The following ANKRD42 variants were observed in gnomAD, a reference collection of about 807,000 sequenced individuals.
ANKRD42 encodes the protein ankyrin repeat domain 42.
Under a neutral mutation model 51.5 loss-of-function variants are expected in ANKRD42, and 43 were observed. That is an observed-to-expected ratio of 0.83 (90% CI 0.65 to 1.08). The LOEUF (loss-of-function observed/expected upper bound fraction) is 1.08. Among genes scored for constraint, ANKRD42 ranks in the 50% least tolerant of loss-of-function variants. ANKRD42 has a pLI of 0.00. For missense variants in ANKRD42, 608 were observed against 629.3 expected, an observed-to-expected ratio of 0.97 and a Z score of 0.36; for synonymous variants, 203 against 213.0, an observed-to-expected ratio of 0.95 and a Z score of 0.41.
chr11:83,262,351 T>A (rs1002280751), downstream of ANKRD42, among the ~76,000 whole-genome samples: 1 of 152,160 alleles, frequency 6.6e-6, no homozygotes, highest in Non-Finnish European at 1.5e-5. Flanking sequence ...CATATATCTG[T>A]GAGAAGAGAA....
Position 83,255,998 on chromosome 11 carries a change from G to T in ANKRD42, c.*64G>T, listed in dbSNP as rs528513587. On this transcript the variant is annotated 3_prime_UTR_variant, in exon 12 of 12. Transcript: ENST00000260047. ...TTTCATTAAAAAAATTGATATAAAT[G>T]TGAGTCTATACAAACTATCTCAGAA... The T allele has an allele frequency of 1.3e-3, 1,612 of 1,199,928 alleles. 5 individuals are homozygous for T. Among genetic ancestry groups the T allele is most frequent in the Non-Finnish European group, 1.6e-3 (1,365 of 865,634 alleles). 74.3% of individuals were successfully genotyped at this position (1,199,928 alleles called of 1,614,324 possible).
intron 3 of ANKRD42, 51 bp from the exon 4 acceptor site, chr11:83,210,249 T>C: frequency 6.4e-7 from 1 of 1,558,428 alleles, no homozygotes; most frequent in Non-Finnish European, 8.8e-7. Flanking sequence ...TCTGCATTTA[T>C]GGTTTAACAT....
At chr11:83,240,290 G>T (rs1162916268) in intron 8 of ANKRD42, among the ~76,000 whole-genome samples, 2 of 152,204 alleles carry the variant, frequency 1.3e-5, no homozygotes, top group African/African-American at 4.8e-5. Flanking sequence ...CGTACCAAAT[G>T]CTTTGGCTTG....
chr11:83,255,537 A>C (rs1695349567), intron 11 of ANKRD42, among the ~76,000 whole-genome samples: 6 of 152,198 alleles, frequency 3.9e-5, no homozygotes, highest in African/African-American at 1.4e-4. Flanking sequence ...TGTTAGGTAG[A>C]GATAAAACTT....
At chr11:83,260,181 A>G (rs1302585661), downstream of ANKRD42, 3 of 152,228 alleles carry the variant, frequency 2.0e-5, no homozygotes, top group Non-Finnish European at 2.9e-5. Context: ...TTAATATTTT[A>G]GAATATTTTA....
At chr11:83,195,789 G>A (rs188096659) in intron 1 of ANKRD42, among the ~76,000 whole-genome samples, 133 of 149,078 alleles carry the variant, frequency 8.9e-4, no homozygotes, top group South Asian at 8.0e-3. Flanking sequence ...CATTTTTTCT[G>A]GTCTAGACTA....
At chr11:83,203,358 T>C (rs1861943451) in intron 2 of ANKRD42, among the ~76,000 whole-genome samples, 1 of 151,900 alleles carries the variant, frequency 6.6e-6, no homozygotes. Flanking sequence ...CTATTCCTAC[T>C]TAAAGGTCAT....
intron 5 of ANKRD42, chr11:83,213,019 A>G: frequency 6.3e-7 from 1 of 1,599,502 alleles, no homozygotes; most frequent in East Asian, 2.2e-5. Context: ...CCACCCTCAG[A>G]CCCCTTGTGA....
intron 3 of ANKRD42, 133 bp downstream of exon 3, chr11:83,206,298 C>T (rs1022472574): frequency 4.4e-6 from 3 of 677,488 alleles, no homozygotes; most frequent in South Asian, 2.1e-5. Context: ...GATTCCACAA[C>T]TCAGATATTC....
intron 5 of ANKRD42, among the ~76,000 whole-genome samples, chr11:83,217,947 G>C (rs1057111388): frequency 1.3e-5 from 2 of 152,148 alleles, no homozygotes; most frequent in South Asian, 2.1e-4. Flanking sequence ...CTTGGTCCCT[G>C]TTACAGAACA....
chr11:83,245,401 T>C, intron 9 of ANKRD42, 97 bp from the exon 10 acceptor site: 2 of 1,308,510 alleles, frequency 1.5e-6, no homozygotes, highest in Non-Finnish European at 2.1e-6. Flanking sequence ...ATACAGACAC[T>C]AGTCTAGAGG....
chr11:83,237,840 C>T (rs909395360), intron 8 of ANKRD42, among the ~76,000 whole-genome samples: 1 of 152,154 alleles, frequency 6.6e-6, no homozygotes, highest in African/African-American at 2.4e-5. Flanking sequence ...TGAACATATT[C>T]ATCACCGTCA....
intron 7 of ANKRD42, among the ~76,000 whole-genome samples, chr11:83,230,120 C>T (rs927538355): frequency 3.9e-5 from 6 of 152,142 alleles, no homozygotes; most frequent in Non-Finnish European, 8.8e-5. Context: ...GGGGCGATCA[C>T]GACTAACTGC....
intron 7 of ANKRD42, among the ~76,000 whole-genome samples, chr11:83,231,604 G>T (rs1393328296): frequency 6.6e-6 from 1 of 152,134 alleles, no homozygotes; most frequent in Non-Finnish European, 1.5e-5. Context: ...TGCTTGTAGG[G>T]TATTGCTCAA....
chr11:83,212,830 G>T, intron 5 of ANKRD42: 1 of 1,437,044 alleles, frequency 7.0e-7, no homozygotes, highest in Non-Finnish European at 9.1e-7. Flanking sequence ...AAGTCTTTTG[G>T]TATGAACTCT....
intron 9 of ANKRD42, 80 bp from the exon 10 acceptor site, chr11:83,245,418 A>G (rs1863514205): frequency 3.5e-6 from 5 of 1,421,974 alleles, no homozygotes; most frequent in Non-Finnish European, 4.7e-6. Flanking sequence ...GAGGAAGAAT[A>G]TGCTCAAGAA....
chr11:83,212,266 G>T (rs1345191179), intron 5 of ANKRD42, among the ~76,000 whole-genome samples: 2 of 151,990 alleles, frequency 1.3e-5, no homozygotes, highest in Non-Finnish European at 2.9e-5. Flanking sequence ...ATTTTTAGTA[G>T]AGATGGAGTT....
chr11:83,251,079 T>G (rs1161962265), downstream of ANKRD42, among the ~76,000 whole-genome samples: 1 of 152,146 alleles, frequency 6.6e-6, no homozygotes, highest in Non-Finnish European at 1.5e-5. Context: ...CCAACTTTAT[T>G]TTTGTCTGTT....
At position 83,193,939 on chromosome 11, in the gene ANKRD42, G is replaced by T. The variant is rs1170433985; in HGVS notation, c.-732G>T. ...GTCTAGGGAAAGAGTTAGCGACGACGGGGAAAGAAAATGTGAAGAGAGCGA... is the reference window on the plus strand; with the variant it reads ...GTCTAGGGAAAGAGTTAGCGACGACTGGGAAAGAAAATGTGAAGAGAGCGA... On this transcript the variant is annotated 5_prime_UTR_variant, in exon 1 of 11. Transcript: ENST00000533342. 1.5e-5 allele frequency: 7 copies of T among 455,892 alleles called. No homozygotes were observed. In the Admixed American group the frequency reaches 1.6e-4, roughly 11 times the overall value. The allele number at this position is 455,892 out of a possible 1,614,324, so 28.2% of individuals were successfully genotyped here.
Sources: gnomAD v4.1 joint callset for allele counts (sites outside exome capture counted in the v4.1 genomes callset) on GRCh38, gnomAD v4.1.1 for gene constraint, MANE v1.5 for transcripts, NCBI Gene and HGNC (gene_info 2026-07-23, HGNC 2026-07-21) for gene names.